The following RBFOX3 variants were observed in gnomAD, a reference collection of about 807,000 sequenced individuals.
The protein encoded by RBFOX3 is RNA binding fox-1 homolog 3, also known as RNA binding protein fox-1 homolog 3.
A neutral mutation model predicts 48.7 loss-of-function variants in RBFOX3; 17 were observed. The ratio of observed to expected loss-of-function variants is 0.35; its 90% CI spans 0.24 to 0.52. RBFOX3 has a LOEUF of 0.52. Ranked by LOEUF, RBFOX3 falls within the 20% of genes least tolerant of loss-of-function variation. RBFOX3 has a pLI of 0.94. For missense variants in RBFOX3, 382 were observed against 497.5 expected, an observed-to-expected ratio of 0.77 and a Z score of 2.21; for synonymous variants, 212 against 209.5, an observed-to-expected ratio of 1.01 and a Z score of -0.10.
At chr17:79,257,775 T>G (rs2065122035) in intron 3 of RBFOX3, among the ~76,000 whole-genome samples, 2 of 152,088 alleles carry the variant, frequency 1.3e-5, no homozygotes. Flanking sequence ...GAGACGGGGT[T>G]TCACCATGTT....
intron 6 of RBFOX3, among the ~76,000 whole-genome samples, chr17:79,104,708 G>T (rs1370690547): frequency 6.6e-6 from 1 of 152,178 alleles, no homozygotes; most frequent in Non-Finnish European, 1.5e-5. Flanking sequence ...AGAAAGTGCT[G>T]GGGTCAGGAA....
At chr17:79,213,697 G>GT (rs2058663293) in intron 4 of RBFOX3, among the ~76,000 whole-genome samples, 1 of 152,236 alleles carries the variant, frequency 6.6e-6, no homozygotes, top group African/African-American at 2.4e-5. Flanking sequence ...CTAACAGGGT[G>GT]TATCCACTCG....
intron 4 of RBFOX3, among the ~76,000 whole-genome samples, chr17:79,123,912 T>A (rs1426678219): frequency 6.6e-6 from 1 of 152,180 alleles, no homozygotes; most frequent in South Asian, 2.1e-4. Flanking sequence ...CATTCCTCCA[T>A]GTGGTCGGTA....
At chr17:79,448,460 AAGAATGACACACAG>A (rs2072797580) in intron 2 of RBFOX3, among the ~76,000 whole-genome samples, 1 of 152,168 alleles carries the variant, frequency 6.6e-6, no homozygotes, top group Non-Finnish European at 1.5e-5. Flanking sequence ...AACAGAAGAG[AAGAATGACACACAG>A]AGAAGGCCAC....
chr17:79,596,965 G>A (rs1263477182), intron 1 of RBFOX3, among the ~76,000 whole-genome samples: 1 of 152,168 alleles, frequency 6.6e-6, no homozygotes, highest in African/African-American at 2.4e-5. Flanking sequence ...AAACCTTCCC[G>A]TTGGCCTTCA....
At chr17:79,613,963 G>A (rs2093984323), upstream of RBFOX3, among the ~76,000 whole-genome samples, 1 of 152,226 alleles carries the variant, frequency 6.6e-6, no homozygotes, top group South Asian at 2.1e-4. Context: ...GACAACAAGA[G>A]TGAGACTTCC....
intron 4 of RBFOX3, chr17:79,132,744 A>C (rs2039266123): frequency 1.3e-5 from 2 of 152,254 alleles, no homozygotes; most frequent in South Asian, 4.1e-4. Context: ...CCTCGAGAGC[A>C]GCAACACTGG....
intron 4 of RBFOX3, among the ~76,000 whole-genome samples, chr17:79,155,813 G>A (rs932712307): frequency 6.6e-6 from 1 of 152,184 alleles, no homozygotes; most frequent in Non-Finnish European, 1.5e-5. Flanking sequence ...CCCCAGGTTG[G>A]AGGCACCCCA....
chr17:79,121,014 T>G (rs1249539559), intron 4 of RBFOX3, among the ~76,000 whole-genome samples: 1 of 152,124 alleles, frequency 6.6e-6, no homozygotes, highest in East Asian at 1.9e-4. Context: ...ACGACCTGAA[T>G]GTTGATTTCA....
chr17:79,185,910 G>A (rs917434047), intron 4 of RBFOX3, among the ~76,000 whole-genome samples: 2 of 152,216 alleles, frequency 1.3e-5, no homozygotes, highest in Admixed American at 1.3e-4. Flanking sequence ...ACCGTCTAGT[G>A]GGGGAAACCA....
chr17:79,652,829 G>T, the RBFOX3 span, among the ~76,000 whole-genome samples: 1 of 151,974 alleles, frequency 6.6e-6, no homozygotes, highest in Non-Finnish European at 1.5e-5. Flanking sequence ...AATGTCCCCA[G>T]AACTGAAAGG....
At chr17:79,460,477 G>T (rs1356105890) in intron 2 of RBFOX3, among the ~76,000 whole-genome samples, 1 of 152,176 alleles carries the variant, frequency 6.6e-6, no homozygotes, top group African/African-American at 2.4e-5. Context: ...GCAGGACTGT[G>T]CCAGCTAGGG....
the RBFOX3 span, among the ~76,000 whole-genome samples, chr17:79,617,660 T>A: frequency 6.6e-6 from 1 of 152,188 alleles, no homozygotes; most frequent in East Asian, 1.9e-4. Context: ...AACACCAGCG[T>A]CCCATTTTCC....
At chr17:79,413,430 CA>C (rs2064797325) in intron 2 of RBFOX3, among the ~76,000 whole-genome samples, 6 of 152,244 alleles carry the variant, frequency 3.9e-5, no homozygotes, top group Admixed American at 3.9e-4. Context: ...GGAGGAGCCA[CA>C]ACACAAAAGT....
intron 1 of RBFOX3, among the ~76,000 whole-genome samples, chr17:79,572,013 G>A (rs1166971447): frequency 3.3e-5 from 5 of 152,200 alleles, no homozygotes; most frequent in Non-Finnish European, 5.9e-5. Flanking sequence ...ACACTACCTG[G>A]TGCTAAGTAT....
At position 79,104,134 on chromosome 17, in the gene RBFOX3, G is replaced by A. The variant is rs957289800; in HGVS notation, c.361-8C>T. The A allele has an allele frequency of 3.9e-6, 6 of 1,550,618 alleles. No homozygotes were observed. The African/African-American group carries it at 6.8e-5, about 18-fold the overall frequency. On this transcript the variant is annotated splice_polypyrimidine_tract_variant and splice_region_variant and intron_variant, in intron 6 of 14. Transcript: ENST00000693108. ...TAAAATTTTTCCGAATTGCTGCAGAGACAGAGACAAAGAGGGAGTGGGGCA... is the reference window on the plus strand; with the variant it reads ...TAAAATTTTTCCGAATTGCTGCAGAAACAGAGACAAAGAGGGAGTGGGGCA...
At chr17:79,643,094 C>T in the RBFOX3 span, among the ~76,000 whole-genome samples, 3 of 151,942 alleles carry the variant, frequency 2.0e-5, no homozygotes, top group Non-Finnish European at 2.9e-5. Flanking sequence ...AAAGTTGGAC[C>T]CTGTCTCTAA....
intron 1 of RBFOX3, among the ~76,000 whole-genome samples, chr17:79,494,158 C>T (rs1482127246): frequency 6.6e-6 from 1 of 152,068 alleles, no homozygotes; most frequent in Non-Finnish European, 1.5e-5. Flanking sequence ...TTAGGAATTC[C>T]AAGTGGCCAC....
chr17:79,142,167 C>T (rs541286087), intron 4 of RBFOX3, among the ~76,000 whole-genome samples: 10 of 152,202 alleles, frequency 6.6e-5, no homozygotes, highest in South Asian at 2.1e-4. Flanking sequence ...AATAAAAAGA[C>T]GATTTACCAC....
Sources: allele counts gnomAD v4.1 joint callset (sites outside exome capture counted in the v4.1 genomes callset), GRCh38; gene constraint gnomAD v4.1.1; transcripts MANE v1.5; gene names NCBI Gene and HGNC (gene_info 2026-07-23, HGNC 2026-07-21).